Variants in LONRF3 observed in about 807,000 individuals in gnomAD.
LONRF3 encodes LON peptidase N-terminal domain and RING finger protein 3.
LONRF3 carries 19 observed loss-of-function variants against 51.7 expected under a neutral mutation model. The ratio of observed to expected loss-of-function variants is 0.37; its 90% CI spans 0.26 to 0.54. The LOEUF (loss-of-function observed/expected upper bound fraction) is 0.54. Ranked by LOEUF, LONRF3 falls within the 20% of genes least tolerant of loss-of-function variation. LONRF3 has a pLI of 0.86. For synonymous variants in LONRF3, 265 were observed against 257.8 expected (o/e 1.03, Z -0.27); for missense variants, 521 against 623.9 (o/e 0.84, Z 1.76).
intron 9 of LONRF3, among the ~76,000 whole-genome samples, 186 bp downstream of exon 9, chrX:119,013,387 G>A (rs1242764460): frequency 8.9e-6 from 1 of 112,315 alleles, no homozygotes. Flanking sequence ...GGCGCCTACT[G>A]TCCTGGCTCT....
In LONRF3 at chrX:119,009,247, A is replaced by G; in HGVS notation, c.1652A>G (p.Asn551Ser). The G allele has an allele frequency of 5.8e-6, 7 of 1,206,274 alleles. No homozygotes were observed. Among genetic ancestry groups the G allele is most frequent in the Non-Finnish European group, 7.8e-6 (7 of 892,234 alleles). Reference protein sequence around the residue: ...LYEEEMEELSNLNKNVPIFVC... With the variant: ...LYEEEMEELSSLNKNVPIFVC... ...GAAGAGGAAATGGAAGAACTTTCTA[A>G]GTATGTATATGCATATTTCTGTTTT... Residue 551 changes from asparagine (N) to serine (S), a missense_variant and splice_region_variant, in exon 7 of 11, where the codon AAC becomes AGC. Coordinates refer to ENST00000371628, the MANE Select transcript of LONRF3 (RefSeq NM_001031855.3).
At chrX:118,982,622 G>A (rs1217416193) in intron 2 of LONRF3, among the ~76,000 whole-genome samples, 199 bp from the exon 3 acceptor site, 2 of 111,730 alleles carry the variant, frequency 1.8e-5, no homozygotes, top group Admixed American at 9.5e-5. Context: ...TGTTACACTG[G>A]GCAAGTTAAC....
chrX:118,998,257 A>G (rs1307363569), intron 5 of LONRF3, among the ~76,000 whole-genome samples: 5 of 112,642 alleles, frequency 4.4e-5, no homozygotes, highest in Non-Finnish European at 9.4e-5. Context: ...TCTGGTATAT[A>G]TATACAATTG....
chrX:118,984,234 A>G (rs1922789448), intron 3 of LONRF3, among the ~76,000 whole-genome samples: 2 of 111,931 alleles, frequency 1.8e-5, no homozygotes, highest in African/African-American at 3.2e-5. Context: ...GTGGGAAAGT[A>G]TTCAAACCCA....
rs369180848 is a variant in LONRF3 at position 118,987,445 on chromosome X, G to GTTTTTTTT, written c.1060-1942_1060-1935dup. Reference sequence around the variant, plus strand: ...GGCACGTGCCACCATGCCTGGCTAAGTTTTTTTTTTTTTTTTTTTTTTTTT... The same window carrying GTTTTTTTT: ...GGCACGTGCCACCATGCCTGGCTAAGTTTTTTTTTTTTTTTTTTTTTTTTTTTTTTTTT... On this transcript the variant is annotated intron_variant, in intron 3 of 10. Coordinates refer to ENST00000371628, the MANE Select transcript of LONRF3 (RefSeq NM_001031855.3). Among the ~76,000 whole-genome samples, 213 of 32,297 alleles carry GTTTTTTTT rather than the reference G, an allele frequency of 6.6e-3. 28 individuals are homozygous for GTTTTTTTT. The highest frequency in any genetic ancestry group is 0.013 in the African/African-American group (84 of 6,476). 28.0% of individuals were successfully genotyped at this position (32,297 alleles called of 115,157 possible). A position where few individuals can be genotyped will look rare whatever the true frequency, so the allele number is the denominator to read the frequency against.
At chrX:118,986,296 C>T (rs993891492) in intron 3 of LONRF3, among the ~76,000 whole-genome samples, 1 of 111,680 alleles carries the variant, frequency 9.0e-6, no homozygotes, top group Non-Finnish European at 1.9e-5. Context: ...ATAGGGGAGG[C>T]GAGGTTGGGA....
chrX:119,002,267 C>A (rs955279025), intron 5 of LONRF3, among the ~76,000 whole-genome samples: 3 of 112,128 alleles, frequency 2.7e-5, no homozygotes, highest in Non-Finnish European at 5.6e-5. Context: ...CTACCCCAAC[C>A]ACTATCTTGA....
At chrX:119,004,078 A>G (rs1281406460) in intron 5 of LONRF3, among the ~76,000 whole-genome samples, 1 of 110,398 alleles carries the variant, frequency 9.1e-6, no homozygotes, top group East Asian at 2.8e-4. Context: ...CCATCATATC[A>G]TTTGTGAATA....
At chrX:118,986,948 A>G in intron 3 of LONRF3, 2 of 1,153,914 alleles carry the variant, frequency 1.7e-6, no homozygotes, top group Non-Finnish European at 2.3e-6. Flanking sequence ...TCTTTTCACC[A>G]TCAGTCCCGG....
intron 5 of LONRF3, 133 bp downstream of exon 5, chrX:118,990,693 G>A (rs919687003): frequency 2.0e-5 from 10 of 491,670 alleles, no homozygotes; most frequent in Non-Finnish European, 3.2e-5. Flanking sequence ...AAATCACAAC[G>A]TTGATTGTCA....
At chrX:118,996,233 C>T (rs1923858426) in intron 5 of LONRF3, among the ~76,000 whole-genome samples, 1 of 111,285 alleles carries the variant, frequency 9.0e-6, no homozygotes, top group Admixed American at 9.5e-5. Flanking sequence ...AAGTTGAAAG[C>T]ATTCCCTCTG....
chrX:118,986,059 C>A (rs377745304), intron 3 of LONRF3, among the ~76,000 whole-genome samples: 155 of 13,679 alleles, frequency 0.011, 1 homozygote, highest in African/African-American at 0.043. Flanking sequence ...GAAACACACA[C>A]ACACACACAC....
intron 10 of LONRF3, 57 bp downstream of exon 10, chrX:119,014,413 GT>G: frequency 9.4e-7 from 1 of 1,062,719 alleles, no homozygotes; most frequent in South Asian, 2.1e-5. Flanking sequence ...AGTGCCTAGT[GT>G]TTGTGATTAG....
rs1394889454 is a variant in LONRF3 at position 118,974,820 on chromosome X, G to A, written c.40G>A (p.Ala14Thr). ...GATCGAACAGATGCTGAGCTTGCCC[G>A]CTGAGGTCAGCAGCGACAACTTGGA... ...VRIEQMLSLP[A>T]EVSSDNLESA... Residue 14 changes from alanine to threonine, a missense_variant, in exon 1 of 11, where the codon GCT becomes ACT. Physicochemically the swap from Ala to Thr is moderately conservative, Grantham distance 58. Coordinates refer to ENST00000371628, the MANE Select transcript of LONRF3 (RefSeq NM_001031855.3). 8.3e-7 allele frequency: 1 copy of A among 1,208,108 alleles called. No homozygotes were observed. The highest frequency in any genetic ancestry group is 1.1e-6 in the Non-Finnish European group (1 of 894,305).
chrX:118,978,057 G>C (rs1487445170), intron 1 of LONRF3, among the ~76,000 whole-genome samples: 1 of 111,102 alleles, frequency 9.0e-6, no homozygotes, highest in African/African-American at 3.3e-5. Context: ...GCCACATCTC[G>C]CCTATGTCAA....
Position 119,009,240 on chromosome X carries a change from C to T in LONRF3, c.1645C>T (p.Leu549Phe). Residue 549 changes from leucine to phenylalanine, a missense_variant, in exon 7 of 11, where the codon CTT becomes TTT. Around this residue, in one of 2 missense-constraint regions of LONRF3, gnomAD observed 145 missense variants for 247.2 expected, o/e 0.59. Transcript: ENST00000371628. The stretch of plus-strand genomic sequence containing the variant: ...GCTTTATGAAGAGGAAATGGAAGAA[C>T]TTTCTAAGTATGTATATGCATATTT... Reference protein sequence around the residue: ...RKLYEEEMEELSNLNKNVPIF... With the variant: ...RKLYEEEMEEFSNLNKNVPIF... 8.3e-7 allele frequency: 1 copy of T among 1,207,894 alleles called. No homozygotes were observed. The highest frequency in any genetic ancestry group is 1.1e-6 in the Non-Finnish European group (1 of 893,388).
chrX:119,001,214 G>A (rs1422053681), intron 5 of LONRF3, among the ~76,000 whole-genome samples: 2 of 111,554 alleles, frequency 1.8e-5, no homozygotes, highest in Non-Finnish European at 3.8e-5. Context: ...TCAGAAGGAG[G>A]GAGAGAGGAG....
intron 10 of LONRF3, 141 bp downstream of exon 10, chrX:119,014,497 G>A (rs1055583043): frequency 7.0e-6 from 4 of 572,584 alleles, no homozygotes; most frequent in African/African-American, 4.7e-5. Context: ...TTGTTTGGCT[G>A]CACAGTGAGC....
chrX:118,995,876 T>C (rs1413948621), intron 5 of LONRF3, among the ~76,000 whole-genome samples: 1 of 111,633 alleles, frequency 9.0e-6, no homozygotes, highest in East Asian at 2.8e-4. Flanking sequence ...CAAAAAGAAG[T>C]CCAGGACCAG....
Sources: allele counts gnomAD v4.1 joint callset (sites outside exome capture counted in the v4.1 genomes callset), GRCh38; gene constraint gnomAD v4.1.1; regional missense constraint gnomAD v4.1.1; transcripts MANE v1.5; gene names NCBI Gene and HGNC (gene_info 2026-07-23, HGNC 2026-07-21).